Variants in TPD52 observed in about 807,000 individuals in gnomAD.
The protein encoded by TPD52 is prostate and colon associated protein.
In TPD52, 17 loss-of-function variants were observed where a neutral mutation model predicts 31.3. The observed-to-expected ratio is 0.54, with a 90% confidence interval of 0.37 to 0.82. The LOEUF (loss-of-function observed/expected upper bound fraction) is 0.82. Among genes scored for constraint, TPD52 ranks in the 40% least tolerant of loss-of-function variants. The probability of loss-of-function intolerance (pLI) is 0.00; values close to 1 mark genes in which losing one functional copy is unlikely to be tolerated. For missense variants in TPD52, 212 were observed against 240.1 expected, an observed-to-expected ratio of 0.88 and a Z score of 0.77; for synonymous variants, 83 against 89.6, an observed-to-expected ratio of 0.93 and a Z score of 0.42.
chr8:80,110,253 T>C (rs1807410130), intron 1 of TPD52, among the ~76,000 whole-genome samples: 1 of 152,168 alleles, frequency 6.6e-6, no homozygotes, highest in South Asian at 2.1e-4. Flanking sequence ...CTCCTGGTAG[T>C]CATCATTATA....
chr8:80,124,953 A>C (rs1808501830), intron 1 of TPD52, among the ~76,000 whole-genome samples: 1 of 152,208 alleles, frequency 6.6e-6, no homozygotes, highest in Non-Finnish European at 1.5e-5. Flanking sequence ...CCCATGCCAC[A>C]ATAATGTTTG....
intron 1 of TPD52, among the ~76,000 whole-genome samples, chr8:80,164,159 C>G (rs149093959): frequency 6.6e-6 from 1 of 151,254 alleles, no homozygotes; most frequent in Admixed American, 6.6e-5. Flanking sequence ...TTCTAATGTT[C>G]GTTTGGAAAT....
At chr8:80,126,487 T>TC (rs1323434554) in intron 1 of TPD52, among the ~76,000 whole-genome samples, 1 of 148,442 alleles carries the variant, frequency 6.7e-6, no homozygotes, top group Admixed American at 6.6e-5. Context: ...TAATTTTTTT[T>TC]TTTTTTTTTT....
At chr8:80,124,016 G>A (rs565838808) in intron 1 of TPD52, among the ~76,000 whole-genome samples, 136 of 152,188 alleles carry the variant, frequency 8.9e-4, no homozygotes, top group Non-Finnish European at 1.6e-3. Flanking sequence ...AATTACCTGA[G>A]CTGAACATGA....
chr8:80,126,925 T>C (rs1050082890), intron 1 of TPD52, among the ~76,000 whole-genome samples: 33 of 152,018 alleles, frequency 2.2e-4, no homozygotes, highest in Admixed American at 2.0e-3. Flanking sequence ...CTGAGCAACA[T>C]AGAGAAACCC....
At chr8:80,106,655 C>G (rs905369812) in intron 1 of TPD52, among the ~76,000 whole-genome samples, 1 of 150,636 alleles carries the variant, frequency 6.6e-6, no homozygotes, top group Non-Finnish European at 1.5e-5. Flanking sequence ...TGTGTCCAGC[C>G]TCAAATAGTA....
intron 1 of TPD52, among the ~76,000 whole-genome samples, chr8:80,165,239 A>G (rs975495931): frequency 6.6e-6 from 1 of 152,270 alleles, no homozygotes; most frequent in African/African-American, 2.4e-5. Flanking sequence ...GGCAAGGGAA[A>G]GCAAACGCTC....
In TPD52 at chr8:80,080,747, C is replaced by A. The variant is rs1003591784; in HGVS notation, c.20-16154G>T. ...AACAATGAAAAACCTGGGCAGGGAG[C>A]GAGCTTTCCTCAGTCAACAAAGAAG... On this transcript the variant is annotated intron_variant, in intron 1 of 7. Transcript: ENST00000518937. 8.4e-6 allele frequency: 9 copies of A among 1,077,168 alleles called. No homozygotes were observed. The Admixed American group carries it at 1.4e-4, about 17-fold the overall frequency. The allele number at this position is 1,077,168 out of a possible 1,614,324, so 66.7% of individuals were successfully genotyped here. A position where few individuals can be genotyped will look rare whatever the true frequency, so the allele number is the denominator to read the frequency against.
Position 80,064,472 on chromosome 8 carries a change from C to A in TPD52, c.135+6G>T, listed in dbSNP as rs562763451. On this transcript the variant is annotated splice_donor_region_variant and intron_variant, in intron 2 of 7. Transcript: ENST00000518937. ...AAATAAAGTTGCAAAAGGAATGGTTCTTTACCTTTGCAAGTTCTCTTCTTA... is the reference window on the plus strand; with the variant it reads ...AAATAAAGTTGCAAAAGGAATGGTTATTTACCTTTGCAAGTTCTCTTCTTA... 12 of 1,610,972 alleles carry A rather than the reference C, an allele frequency of 7.4e-6. No individual in the cohort carries two copies. Among genetic ancestry groups the A allele is most frequent in the Non-Finnish European group, 9.3e-6 (11 of 1,177,366 alleles).
intron 1 of TPD52, chr8:80,080,689 G>A (rs1187385597): frequency 3.7e-5 from 45 of 1,206,784 alleles, no homozygotes; most frequent in Non-Finnish European, 4.5e-5. Flanking sequence ...CCTTAGGAGG[G>A]GCTCTATTCA....
intron 1 of TPD52, among the ~76,000 whole-genome samples, chr8:80,146,078 C>G (rs1186070789): frequency 6.6e-6 from 1 of 152,182 alleles, no homozygotes; most frequent in Non-Finnish European, 1.5e-5. Flanking sequence ...GCCCAACTCA[C>G]CTAACACACA....
At chr8:80,096,290 A>AC (rs1816731761) in intron 1 of TPD52, among the ~76,000 whole-genome samples, 3 of 113,822 alleles carry the variant, frequency 2.6e-5, no homozygotes, top group Non-Finnish European at 3.7e-5. Context: ...ACACACACAC[A>AC]AACACACACA....
At chr8:80,046,129 A>C (rs1345787210) in intron 5 of TPD52, among the ~76,000 whole-genome samples, 2 of 152,178 alleles carry the variant, frequency 1.3e-5, no homozygotes, top group African/African-American at 4.8e-5. Context: ...TGTACCTACT[A>C]AATATGTTTC....
At chr8:80,082,353 G>A (rs1476922254) in intron 1 of TPD52, among the ~76,000 whole-genome samples, 1 of 152,114 alleles carries the variant, frequency 6.6e-6, no homozygotes, top group Non-Finnish European at 1.5e-5. Context: ...AAAGAGTATG[G>A]TTCATGAGGT....
chr8:80,143,751 A>C (rs1476419417), intron 1 of TPD52, among the ~76,000 whole-genome samples: 1 of 152,230 alleles, frequency 6.6e-6, no homozygotes, highest in Admixed American at 6.5e-5. Context: ...GAAAGTAGAA[A>C]CAATGAAAAA....
At chr8:80,164,013 TGAGAGAGAGACA>T (rs1337138786) in intron 1 of TPD52, among the ~76,000 whole-genome samples, 2,753 of 123,592 alleles carry the variant, frequency 0.022, 102 homozygotes, top group African/African-American at 0.08. Flanking sequence ...ATTCTAACTG[TGAGAGAGAGACA>T]GAGAGAGAGA....
intron 1 of TPD52, among the ~76,000 whole-genome samples, chr8:80,115,176 G>C (rs1426858184): frequency 1.3e-5 from 2 of 152,084 alleles, no homozygotes; most frequent in Non-Finnish European, 2.9e-5. Flanking sequence ...AACCACTTAG[G>C]CCCACTTTTG....
chr8:80,072,706 T>C (rs866390139), intron 1 of TPD52, among the ~76,000 whole-genome samples: 2 of 151,462 alleles, frequency 1.3e-5, no homozygotes, highest in African/African-American at 2.4e-5. Context: ...CACACATATA[T>C]ACATCTATAC....
rs140165958 is a variant in TPD52 at position 80,034,767 on chromosome 8, T to C, written c.*3349A>G. 9.2e-5 allele frequency: 14 copies of C among 152,262 alleles called. No homozygotes were observed. The East Asian group carries it at 2.7e-3, about 29-fold the overall frequency. The allele number at this position is 152,262 out of a possible 1,614,324, so 9.4% of individuals were successfully genotyped here. A position where few individuals can be genotyped will look rare whatever the true frequency, so the allele number is the denominator to read the frequency against. The stretch of plus-strand genomic sequence containing the variant: ...CCATTTACAAATATTCAAACAAAAC[T>C]GTATTTGGCTTTTTCTATATGATAG... On this transcript the variant is annotated 3_prime_UTR_variant, in exon 8 of 8. Transcript: ENST00000518937.
Sources: allele counts gnomAD v4.1 joint callset (sites outside exome capture counted in the v4.1 genomes callset), GRCh38; gene constraint gnomAD v4.1.1; transcripts MANE v1.5; gene names NCBI Gene and HGNC (gene_info 2026-07-23, HGNC 2026-07-21).